CLN3: variants seen among roughly 807,000 people sequenced by gnomAD.
The protein encoded by CLN3 is battenin.
CLN3 carries 49 observed loss-of-function variants against 60.7 expected under a neutral mutation model. The ratio of observed to expected loss-of-function variants is 0.81; its 90% confidence interval spans 0.64 to 1.02. CLN3 has a LOEUF of 1.02. Among genes scored for constraint, CLN3 ranks in the 50% least tolerant of loss-of-function variants. The pLI is 0.00. For synonymous variants in CLN3, 256 were observed against 245.8 expected, an observed-to-expected ratio of 1.04 and a Z score of -0.39; for missense variants, 516 against 557.4, an observed-to-expected ratio of 0.93 and a Z score of 0.75.
rs746616613 is a variant in CLN3 at position 28,482,215 on chromosome 16, G to C, written c.963-17C>G. Reference sequence around the variant, plus strand: ...ATCTGGTACCTGAGGTTAGGGTTGGGGGGAGGAGAGGAGGCTCCTCCAGGG... The same window carrying C: ...ATCTGGTACCTGAGGTTAGGGTTGGCGGGAGGAGAGGAGGCTCCTCCAGGG... On this transcript the variant is annotated splice_polypyrimidine_tract_variant and intron_variant, in intron 13 of 15. Transcript: ENST00000636147. 1.2e-6 allele frequency: 2 copies of C among 1,608,496 alleles called. No individual in the cohort carries two copies. The highest frequency in any genetic ancestry group is 2.7e-5 in the African/African-American group (2 of 74,874).
At chr16:28,483,153 A>C (rs34837) in intron 10 of CLN3, among the ~76,000 whole-genome samples, 3,883 of 152,260 alleles carry the variant, frequency 0.026, 124 homozygotes, top group East Asian at 0.15. Flanking sequence ...ACTTCAAGTA[A>C]TATACATACT....
At chr16:28,473,624 A>G (rs768362795), downstream of CLN3, among the ~76,000 whole-genome samples, 12 of 152,242 alleles carry the variant, frequency 7.9e-5, no homozygotes, top group South Asian at 8.3e-4. Flanking sequence ...CCAAAAGACA[A>G]TATCAAAAAA....
the CLN3 span, among the ~76,000 whole-genome samples, chr16:28,468,573 C>G: frequency 7.4e-6 from 1 of 136,016 alleles, no homozygotes; most frequent in Non-Finnish European, 1.6e-5. Context: ...CTTTGGGAAG[C>G]CGAGGTGGGT....
In CLN3 at chr16:28,488,666, ATG is replaced by A. The variant is rs1371056981; in HGVS notation, c.223-6_223-5del. On this transcript the variant is annotated splice_polypyrimidine_tract_variant and splice_region_variant and intron_variant, in intron 4 of 15. Transcript: ENST00000636147. ...TCGGCGTTGGGCCTGGGTCCACCTA[ATG>A]GGAGAAAAGCATGTCTTTCACCCTG... 6.2e-7 allele frequency: 1 copy of A among 1,613,958 alleles called. No individual in the cohort carries two copies.
At chr16:28,470,808 A>T (rs1347945528), downstream of CLN3, among the ~76,000 whole-genome samples, 1 of 145,322 alleles carries the variant, frequency 6.9e-6, no homozygotes, top group Non-Finnish European at 1.5e-5. Context: ...CACGGAGAAG[A>T]TCAGGGAAGC....
At chr16:28,491,365 C>T (rs2046310299) in intron 3 of CLN3, 117 bp downstream of exon 3, 3 of 1,399,036 alleles carry the variant, frequency 2.1e-6, no homozygotes, top group Non-Finnish European at 2.9e-6. Context: ...CCAGTGGATT[C>T]AGTAAATATT....
downstream of CLN3, chr16:28,476,761 A>C (rs549802773): frequency 6.5e-6 from 1 of 152,878 alleles, no homozygotes; most frequent in Admixed American, 6.5e-5. Flanking sequence ...GAAAACTTTC[A>C]TGCTGGAAAG....
Position 28,484,017 on chromosome 16 carries a change from T to C in CLN3, c.779A>G (p.Glu260Gly). ...RQPLIRTEAPESKPGSSSSLS... is the reference protein window; with the variant it reads ...RQPLIRTEAPGSKPGSSSSLS... ...TCTGTGTCTCCTACCTGGCTTCGACTCCGGGGCCTCGGTTCTTATGAGGGG... is the reference window on the plus strand; with the variant it reads ...TCTGTGTCTCCTACCTGGCTTCGACCCCGGGGCCTCGGTTCTTATGAGGGG... The change falls in exon 10 of 16, where the codon GAG becomes GGG. Residue 260 changes from glutamate (E) to glycine (G), a missense_variant. Transcript: ENST00000636147. The C allele has an allele frequency of 1.9e-6, 3 of 1,609,078 alleles. No homozygotes were observed. Among genetic ancestry groups the C allele is most frequent in the Non-Finnish European group, 2.5e-6 (3 of 1,177,772 alleles).
At chr16:28,470,051 T>C (rs1480714629), downstream of CLN3, among the ~76,000 whole-genome samples, 1 of 144,962 alleles carries the variant, frequency 6.9e-6, no homozygotes, top group Non-Finnish European at 1.5e-5. Context: ...ATTTTGTTTG[T>C]TAGAGACAAG....
At chr16:28,480,465 A>G (rs1362359382) in intron 14 of CLN3, among the ~76,000 whole-genome samples, 3 of 151,926 alleles carry the variant, frequency 2.0e-5, no homozygotes, top group African/African-American at 7.3e-5. Context: ...CAGTACTGCA[A>G]TCTCGGCTCA....
intron 14 of CLN3, among the ~76,000 whole-genome samples, chr16:28,481,464 A>G (rs923870523): frequency 3.6e-5 from 5 of 139,812 alleles, no homozygotes; most frequent in South Asian, 2.2e-4. Context: ...GCACACACAC[A>G]CACACACACA....
intron 3 of CLN3, among the ~76,000 whole-genome samples, chr16:28,490,006 G>A (rs1296632585): frequency 1.3e-5 from 2 of 149,858 alleles, no homozygotes; most frequent in Admixed American, 6.7e-5. Flanking sequence ...GCAGTAAGCC[G>A]AGATTGTGCC....
At chr16:28,475,605 A>T (rs2045984845), downstream of CLN3, 1 of 152,186 alleles carries the variant, frequency 6.6e-6, no homozygotes, top group African/African-American at 2.4e-5. Context: ...TGGGTCCACA[A>T]ACATCACTGG....
downstream of CLN3, among the ~76,000 whole-genome samples, chr16:28,473,090 A>G (rs1249142223): frequency 6.6e-6 from 1 of 151,774 alleles, no homozygotes; most frequent in Non-Finnish European, 1.5e-5. Context: ...GGCACGCAGC[A>G]CTACACCTGG....
chr16:28,477,913 G>A (rs1038929022), intron 14 of CLN3, 36 bp from the exon 15 acceptor site: 3 of 1,610,884 alleles, frequency 1.9e-6, no homozygotes, highest in Non-Finnish European at 2.5e-6. Flanking sequence ...CTGGGACCAG[G>A]GCGGGGCAGG....
At chr16:28,491,397 C>T in intron 3 of CLN3, 85 bp downstream of exon 3, 2 of 1,536,564 alleles carry the variant, frequency 1.3e-6, no homozygotes, top group Non-Finnish European at 1.8e-6. Context: ...CTCCTTTGCG[C>T]AGCTTAACTC....
chr16:28,488,344 T>TTA (rs781184276), intron 5 of CLN3: 9,255 of 230,976 alleles, frequency 0.04, 293 homozygotes, highest in Middle Eastern at 0.062. Context: ...ATATATTTTT[T>TTA]AATTTTTTTC....
chr16:28,487,727 C>T lies in CLN3; in HGVS notation c.309G>A (p.Ala103=), dbSNP rs774996613. ...NSVSTAAVLL[A]DILPTLVIKL... is the part of the protein sequence containing the mutation. The stretch of plus-strand genomic sequence containing the variant: ...TGATGACGAGTGTGGGGAGGATGTC[C>T]GCCAGGAGCACAGCCTGGGACAGGA... The change falls in exon 6 of 16, where the codon GCG becomes GCA. Residue 103 remains alanine, a synonymous_variant. Coordinates refer to ENST00000636147, the MANE Select transcript of CLN3 (RefSeq NM_001042432.2). The T allele has an allele frequency of 9.3e-6, 15 of 1,613,376 alleles. No homozygotes were observed. Among genetic ancestry groups the T allele is most frequent in the East Asian group, 4.5e-5 (2 of 44,866 alleles).
At chr16:28,486,907 TTTTTC>T (rs1184908988) in intron 7 of CLN3, 118 of 555,738 alleles carry the variant, frequency 2.1e-4, no homozygotes, top group South Asian at 2.7e-4. Flanking sequence ...TTCATCAGTC[TTTTTC>T]TTTTCTTTTC....
Sources: allele counts gnomAD v4.1 joint callset (sites outside exome capture counted in the v4.1 genomes callset), GRCh38; gene constraint gnomAD v4.1.1; transcripts MANE v1.5; gene names NCBI Gene and HGNC (gene_info 2026-07-23, HGNC 2026-07-21).